The following COL8A2 variants were observed in gnomAD, a reference collection of about 807,000 sequenced individuals.
COL8A2 encodes collagen alpha-2(VIII) chain.
Under a neutral mutation model 24.0 loss-of-function variants are expected in COL8A2, and 16 were observed. The observed-to-expected ratio is 0.67, with a 90% CI of 0.45 to 1.01. COL8A2 has a LOEUF of 1.01. Among genes scored for constraint, COL8A2 ranks in the 50% least tolerant of loss-of-function variants. COL8A2 has a pLI of 0.00. For synonymous variants in COL8A2, 466 were observed against 424.5 expected, an observed-to-expected ratio of 1.10 and a Z score of -1.20; for missense variants, 818 against 942.4, an observed-to-expected ratio of 0.87 and a Z score of 1.73.
intron 1 of COL8A2, among the ~76,000 whole-genome samples, chr1:36,121,173 G>C (rs1394745344): frequency 6.8e-6 from 1 of 147,488 alleles, no homozygotes; most frequent in Non-Finnish European, 1.5e-5. Context: ...GGTAGATCAT[G>C]AGATCAGGAG....
chr1:36,099,169 A>G lies in COL8A2; in HGVS notation c.512T>C (p.Ile171Thr). The G allele has an allele frequency of 6.7e-7, 1 of 1,498,476 alleles. No individual in the cohort carries two copies. The highest frequency in any genetic ancestry group is 8.9e-7 in the Non-Finnish European group (1 of 1,123,318). The allele number at this position is 1,498,476 out of a possible 1,614,324, so 92.8% of individuals were successfully genotyped here. A position where few individuals can be genotyped will look rare whatever the true frequency, so the allele number is the denominator to read the frequency against. The change falls in exon 4 of 4, where the codon ATC becomes ACC. Residue 171 changes from isoleucine (I) to threonine (T), a missense_variant. By Grantham distance (89) the Ile-to-Thr change is moderately conservative. Transcript: ENST00000397799. Reference sequence around the variant, plus strand: ...CCCTTGGGCACCTGGTTTTCCAGGGATAGTAATGCCTGAGGGGCCCGGGAG... The same window carrying G: ...CCCTTGGGCACCTGGTTTTCCAGGGGTAGTAATGCCTGAGGGGCCCGGGAG... ...PGLPGPSGIT[I>T]PGKPGAQGVP...
chr1:36,114,060 T>C (rs1192235828), intron 2 of COL8A2, among the ~76,000 whole-genome samples: 1 of 152,048 alleles, frequency 6.6e-6, no homozygotes, highest in East Asian at 1.9e-4. Flanking sequence ...GGCTCATGCC[T>C]GTAATCCCAG....
rs201487516 is a variant in COL8A2, at chr1:36,102,664, G to GTTTTTTTTTTT, written c.-16-2407_-16-2406insAAAAAAAAAAA. 1.6e-4 allele frequency among the ~76,000 whole-genome samples: 15 copies of GTTTTTTTTTTT among 94,792 alleles called. 2 individuals carry two copies. Among genetic ancestry groups the GTTTTTTTTTTT allele is most frequent in the Non-Finnish European group, 2.4e-4 (12 of 50,708 alleles). 62.2% of individuals were successfully genotyped at this position (94,792 alleles called of 152,430 possible). Reference sequence around the variant, plus strand: ...TGTGTGAATTATATCTATAAAGCTGGTTTTTTGTTTTTTTTTTTTTTTTTT... The same window carrying GTTTTTTTTTTT: ...TGTGTGAATTATATCTATAAAGCTGGTTTTTTTTTTTTTTTTTGTTTTTTTTTTTTTTTTTT... On this transcript the variant is annotated intron_variant, in intron 2 of 3. Transcript: ENST00000397799.
intron 1 of COL8A2, among the ~76,000 whole-genome samples, chr1:36,118,008 C>T (rs1304430421): frequency 6.6e-6 from 1 of 152,164 alleles, no homozygotes. Context: ...ATCAGAGATG[C>T]GGATCCTACC....
intron 2 of COL8A2, among the ~76,000 whole-genome samples, chr1:36,112,164 C>T (rs1211894397): frequency 2.6e-5 from 4 of 152,076 alleles, no homozygotes; most frequent in Admixed American, 6.6e-5. Flanking sequence ...CCACCACGCC[C>T]GGCTATTTTT....
intron 2 of COL8A2, among the ~76,000 whole-genome samples, chr1:36,108,550 A>C (rs1337747158): frequency 2.6e-5 from 4 of 152,250 alleles, no homozygotes; most frequent in Non-Finnish European, 4.4e-5. Flanking sequence ...GTGTTTGGAC[A>C]GCTGCAAGTC....
rs928574991 is a variant in COL8A2, at chr1:36,097,586, A to G, written c.2095T>C (p.Leu699=). ...EYIHSSFSGF[L]LCPT ...CCCGCGGGTTATGTGGGGCAGAGCAAGAATCCTGAAAAGGAGGAGTGGATG... is the reference window on the plus strand; with the variant it reads ...CCCGCGGGTTATGTGGGGCAGAGCAGGAATCCTGAAAAGGAGGAGTGGATG... The change falls in exon 4 of 4, where the codon TTG becomes CTG. Residue 699 remains leucine, a synonymous_variant. Transcript: ENST00000397799. The G allele has an allele frequency of 3.1e-5, 50 of 1,609,286 alleles. No individual in the cohort carries two copies. In the East Asian group the frequency reaches 1.1e-3, roughly 36 times the overall value.
rs1456942524 is a variant in COL8A2 at position 36,115,513 on chromosome 1, C to T, written c.-17+195G>A. Reference sequence around the variant, plus strand: ...ATAGTTCACAAATGAGAAAAAGCTGCTTCCGAGTTGGGCCAGGGTTTTAAA... The same window carrying T: ...ATAGTTCACAAATGAGAAAAAGCTGTTTCCGAGTTGGGCCAGGGTTTTAAA... On this transcript the variant is annotated intron_variant, in intron 2 of 3. Coordinates refer to ENST00000397799, the MANE Select transcript of COL8A2 (RefSeq NM_005202.4). The surrounding 1 kb of genome is among the most constrained non-coding windows in gnomAD (Gnocchi z 5.7). 6.6e-6 allele frequency among the ~76,000 whole-genome samples: 1 copy of T among 152,162 alleles called. No homozygotes were observed. The highest frequency in any genetic ancestry group is 1.5e-5 in the Non-Finnish European group (1 of 68,020).
At chr1:36,120,757 A>T (rs1643906887) in intron 1 of COL8A2, among the ~76,000 whole-genome samples, 1 of 150,072 alleles carries the variant, frequency 6.7e-6, no homozygotes, top group Admixed American at 6.7e-5. Flanking sequence ...CAAAAAAAAA[A>T]AAAAAAATAG....
chr1:36,112,246 G>A (rs1397861501), intron 2 of COL8A2, among the ~76,000 whole-genome samples: 4 of 151,784 alleles, frequency 2.6e-5, no homozygotes, highest in South Asian at 4.2e-4. Context: ...CTCATGATCC[G>A]CCCGCCTCGG....
chr1:36,118,360 C>T (rs1041121121), intron 1 of COL8A2, among the ~76,000 whole-genome samples: 2 of 152,202 alleles, frequency 1.3e-5, no homozygotes, highest in Non-Finnish European at 2.9e-5. Flanking sequence ...TCTACCCCAC[C>T]TGTGCTGCCT....
chr1:36,096,531 C>T lies in COL8A2; in HGVS notation c.*1038G>A, dbSNP rs1307445529. 6.6e-6 allele frequency: 1 copy of T among 152,188 alleles called. No individual in the cohort carries two copies. Among genetic ancestry groups the T allele is most frequent in the Non-Finnish European group, 1.5e-5 (1 of 68,060 alleles). 9.4% of individuals were successfully genotyped at this position (152,188 alleles called of 1,614,324 possible). ...TTATTAAGGAAAAGGAAGTGGGAGC[C>T]GTCTTCATCCCCCAGCTCGCGTGCA... is the stretch of plus-strand genomic sequence containing the variant. On this transcript the variant is annotated 3_prime_UTR_variant, in exon 4 of 4. Transcript: ENST00000397799.
In COL8A2 at chr1:36,123,717, T is replaced by A. The variant is rs1223954481; in HGVS notation, c.-62+1340A>T. On this transcript the variant is annotated intron_variant, in intron 1 of 3. Coordinates refer to ENST00000397799, the MANE Select transcript of COL8A2 (RefSeq NM_005202.4). The surrounding 1 kb of genome is among the most constrained non-coding windows in gnomAD (Gnocchi z 4.1). ...CGCATGAATCTAATGAATGTTTGGG[T>A]CGGTGTGTGACTGTGCATGGCTCTC... Among the ~76,000 whole-genome samples, 2 of 152,068 alleles carry A rather than the reference T, an allele frequency of 1.3e-5. No individual in the cohort carries two copies. Among genetic ancestry groups the A allele is most frequent in the Non-Finnish European group, 2.9e-5 (2 of 68,010 alleles).
intron 2 of COL8A2, among the ~76,000 whole-genome samples, chr1:36,112,434 T>C (rs1209634456): frequency 6.6e-6 from 1 of 152,174 alleles, no homozygotes; most frequent in Admixed American, 6.6e-5. Context: ...CTTTGTACAG[T>C]AGCCAACCTG....
Position 36,104,796 on chromosome 1 carries a change from A to G in COL8A2, c.-16-4538T>C, listed in dbSNP as rs12042251. 0.018 allele frequency among the ~76,000 whole-genome samples: 2,758 copies of G among 152,314 alleles called. 187 individuals are homozygous for G. The East Asian group carries it at 0.24, about 13-fold the overall frequency. On this transcript the variant is annotated intron_variant, in intron 2 of 3. Coordinates refer to ENST00000397799, the MANE Select transcript of COL8A2 (RefSeq NM_005202.4). ...GGTGACAGAGCGAGACTCCATCTCA[A>G]AAATTAATTAATTAATTAATTAAAT...
In COL8A2 at chr1:36,120,697, G is replaced by A. The variant is rs184314881; in HGVS notation, c.-62+4360C>T. On this transcript the variant is annotated intron_variant, in intron 1 of 3. Transcript: ENST00000397799. The stretch of plus-strand genomic sequence containing the variant: ...CGGGAGGCAGAGGATGCAGTGAGCC[G>A]AGATCATGCCATTGCACCCCAGCCT... Among the ~76,000 whole-genome samples, 411 of 144,920 alleles carry A rather than the reference G, an allele frequency of 2.8e-3. 1 individual carries two copies. The highest frequency in any genetic ancestry group is 8.4e-3 in the Middle Eastern group (2 of 238).
rs1388839721 is a variant in COL8A2, at chr1:36,099,051, C to T, written c.630G>A (p.Val210=). 5 of 1,531,622 alleles carry T rather than the reference C, an allele frequency of 3.3e-6. No homozygotes were observed. The highest frequency in any genetic ancestry group is 3.5e-6 in the Non-Finnish European group (4 of 1,142,234). The allele number at this position is 1,531,622 out of a possible 1,614,324, so 94.9% of individuals were successfully genotyped here. A position where few individuals can be genotyped will look rare whatever the true frequency, so the allele number is the denominator to read the frequency against. The change falls in exon 4 of 4, where the codon GTG becomes GTA. Residue 210 remains valine, a synonymous_variant. Coordinates refer to ENST00000397799, the MANE Select transcript of COL8A2 (RefSeq NM_005202.4). ...GGGCCCCAGGCAGCCCGGGCTGGCC[C>T]ACTCCATTATCCCCCTTGAGGCCTC... ...GDRGLKGDNG[V]GQPGLPGAPG...
rs274751 is a variant in COL8A2, at chr1:36,096,477, T to C, written c.*1092A>G. On this transcript the variant is annotated 3_prime_UTR_variant, in exon 4 of 4. Coordinates refer to ENST00000397799, the MANE Select transcript of COL8A2 (RefSeq NM_005202.4). ...GAAGCCCCCACAGATGAACCCCTCT[T>C]GTACACACATACACCCACCATATGG... 0.16 allele frequency: 24,382 copies of C among 152,082 alleles called. 4,440 individuals are homozygous for C. Among genetic ancestry groups the C allele is most frequent in the East Asian group, 0.51 (2,639 of 5,134 alleles). 9.4% of individuals were successfully genotyped at this position (152,082 alleles called of 1,614,324 possible). A position where few individuals can be genotyped will look rare whatever the true frequency, so the allele number is the denominator to read the frequency against.
In COL8A2 at chr1:36,099,207, T is replaced by TG. The variant is rs2124074245; in HGVS notation, c.473dup (p.Gly159ArgfsTer43). On this transcript the variant is annotated frameshift_variant, in exon 4 of 4. Coordinates refer to ENST00000397799, the MANE Select transcript of COL8A2 (RefSeq NM_005202.4). LOFTEE classifies it low-confidence loss of function (END_TRUNC). ...AGGGGCCCGGGAGGCCAGGGGGTCC[T>TG]GGGGGTCCCCGGAGGCCCTGGTCCC... is the stretch of plus-strand genomic sequence containing the variant. 1.3e-6 allele frequency: 2 copies of TG among 1,531,760 alleles called. No individual in the cohort carries two copies. Among genetic ancestry groups the TG allele is most frequent in the South Asian group, 1.2e-5 (1 of 82,800 alleles). The allele number at this position is 1,531,760 out of a possible 1,614,324, so 94.9% of individuals were successfully genotyped here.
Sources: gnomAD v4.1 joint callset for allele counts (sites outside exome capture counted in the v4.1 genomes callset) on GRCh38, gnomAD v4.1.1 for gene constraint, Gnocchi (gnomAD v3.1) non-coding constraint, MANE v1.5 for transcripts, NCBI Gene and HGNC (gene_info 2026-07-23, HGNC 2026-07-21) for gene names.